Variants in HTATIP2 observed in about 807,000 individuals in gnomAD.
The protein encoded by HTATIP2 is HIV-1 Tat interactive protein 2, also known as protein HTATIP2.
Under a neutral mutation model 24.7 loss-of-function variants are expected in HTATIP2, and 26 were observed. The observed-to-expected ratio is 1.05, with a 90% CI of 0.77 to 1.46. The LOEUF is 1.46. Ranked by LOEUF, HTATIP2 falls within the 40% of genes most tolerant of loss-of-function variation. The pLI is 0.00. For missense variants in HTATIP2, 284 were observed against 289.6 expected (o/e 0.98, Z 0.14); for synonymous variants, 99 against 113.2 (o/e 0.87, Z 0.79).
intron 3 of HTATIP2, among the ~76,000 whole-genome samples, chr11:20,377,046 G>A (rs1052412888): frequency 5.3e-5 from 8 of 152,140 alleles, no homozygotes; most frequent in East Asian, 1.9e-4. Context: ...ATGACTGAGC[G>A]GAAAGAAGAG....
intron 2 of HTATIP2, among the ~76,000 whole-genome samples, chr11:20,375,448 A>G (rs1213699502): frequency 2.0e-5 from 3 of 152,110 alleles, no homozygotes; most frequent in Non-Finnish European, 4.4e-5. Context: ...ACATGTGTCT[A>G]TAATCCCAGC....
chr11:20,382,540 A>G (rs1848535811), intron 4 of HTATIP2, among the ~76,000 whole-genome samples: 1 of 152,236 alleles, frequency 6.6e-6, no homozygotes, highest in South Asian at 2.1e-4. Flanking sequence ...CCATAACAGA[A>G]TACCACACAG....
chr11:20,371,384 CA>C (rs1260767377), intron 2 of HTATIP2, among the ~76,000 whole-genome samples: 7 of 152,272 alleles, frequency 4.6e-5, no homozygotes, highest in African/African-American at 1.7e-4. Context: ...CCAGTGAACC[CA>C]CCTTCCTACT....
chr11:20,370,561 G>A (rs184696975), intron 2 of HTATIP2, among the ~76,000 whole-genome samples: 1 of 152,192 alleles, frequency 6.6e-6, no homozygotes, highest in Non-Finnish European at 1.5e-5. Context: ...TATGGCTTCT[G>A]ATTCTAATGA....
At chr11:20,367,068 A>C in intron 1 of HTATIP2, 106 bp from the exon 2 acceptor site, 13 of 1,289,820 alleles carry the variant, frequency 1.0e-5, no homozygotes, top group South Asian at 2.9e-5. Context: ...TGTTAAGTGG[A>C]CAGGCCTGTC....
Position 20,363,749 on chromosome 11 carries a change from G to T in HTATIP2, c.-489G>T. On this transcript the variant is annotated 5_prime_UTR_variant, in exon 1 of 5. Transcript: ENST00000451739. ...CGAGGCCACCCGGAAGACCAAGCCG[G>T]GTAGGCGCTGTCTCCGTCGCCTCCA... 2 of 1,235,480 alleles carry T rather than the reference G, an allele frequency of 1.6e-6. No homozygotes were observed. The highest frequency in any genetic ancestry group is 2.0e-6 in the Non-Finnish European group (2 of 986,656). The allele number at this position is 1,235,480 out of a possible 1,614,324, so 76.5% of individuals were successfully genotyped here. A position where few individuals can be genotyped will look rare whatever the true frequency, so the allele number is the denominator to read the frequency against.
At chr11:20,380,671 CAA>C (rs35392320) in intron 3 of HTATIP2, among the ~76,000 whole-genome samples, 247 of 81,852 alleles carry the variant, frequency 3.0e-3, no homozygotes, top group African/African-American at 0.01. Flanking sequence ...GACTCCATCT[CAA>C]AAAAAAAAAA....
intron 1 of HTATIP2, among the ~76,000 whole-genome samples, chr11:20,364,818 T>G (rs972707850): frequency 1.3e-5 from 2 of 152,196 alleles, no homozygotes; most frequent in East Asian, 3.8e-4. Context: ...TTTGTCAACC[T>G]GCGCACTTCA....
chr11:20,378,725 A>G (rs1407570136), intron 3 of HTATIP2, among the ~76,000 whole-genome samples: 2 of 152,184 alleles, frequency 1.3e-5, no homozygotes, highest in Non-Finnish European at 2.9e-5. Flanking sequence ...GCGTGGAAAC[A>G]GGTACTGTGA....
intron 1 of HTATIP2, among the ~76,000 whole-genome samples, chr11:20,365,745 G>A (rs1303542111): frequency 6.6e-6 from 1 of 151,964 alleles, no homozygotes; most frequent in African/African-American, 2.4e-5. Flanking sequence ...TCCGAGGCAG[G>A]GGATCTCTTG....
chr11:20,367,028 G>A, intron 1 of HTATIP2, 146 bp from the exon 2 acceptor site: 1 of 871,408 alleles, frequency 1.1e-6, no homozygotes, highest in Non-Finnish European at 1.7e-6. Context: ...ATTGCTTTTT[G>A]GTTGGAGAAA....
intron 2 of HTATIP2, among the ~76,000 whole-genome samples, chr11:20,369,933 C>T (rs537900657): frequency 6.6e-6 from 1 of 152,306 alleles, no homozygotes; most frequent in South Asian, 2.1e-4. Flanking sequence ...GTTTGGAAGA[C>T]TATTTCCTTT....
rs762671810 is a variant in HTATIP2, at chr11:20,382,981, G to A, written c.505G>A (p.Val169Ile). The change falls in exon 5 of 5, where the codon GTT (valine) becomes ATT (isoleucine). Residue 169 changes from valine to isoleucine, a missense_variant and splice_region_variant. Physicochemically the swap from Val to Ile is conservative, Grantham distance 29. Coordinates refer to ENST00000451739, the MANE Select transcript of HTATIP2 (RefSeq NM_001098522.2). The part of the protein sequence containing the change: ...FDRYSVFRPG[V>I]LLCDRQESRP... ...CTTTTTTTTTTTTTTTTATTTTAGA[G>A]TTCTGTTATGTGATAGGCAAGAATC... 7 of 1,592,462 alleles carry A rather than the reference G, an allele frequency of 4.4e-6. No individual in the cohort carries two copies. The African/African-American group carries it at 6.9e-5, about 16-fold the overall frequency.
At chr11:20,364,760 A>G (rs576238338) in intron 1 of HTATIP2, among the ~76,000 whole-genome samples, 32 of 152,308 alleles carry the variant, frequency 2.1e-4, no homozygotes, top group Non-Finnish European at 4.0e-4. Context: ...GCTGTATTCT[A>G]GAGGCAGCCC....
At chr11:20,369,058 G>A (rs908680561) in intron 2 of HTATIP2, among the ~76,000 whole-genome samples, 1 of 151,998 alleles carries the variant, frequency 6.6e-6, no homozygotes, top group Non-Finnish European at 1.5e-5. Context: ...TGTTTTGTTT[G>A]TTTTGGGGGC....
intron 1 of HTATIP2, among the ~76,000 whole-genome samples, chr11:20,365,724 A>T (rs10766660): frequency 2.0e-5 from 3 of 151,978 alleles, no homozygotes; most frequent in African/African-American, 4.8e-5. Flanking sequence ...GTAATCCCAG[A>T]GCTTTGGGAG....
intron 1 of HTATIP2, among the ~76,000 whole-genome samples, chr11:20,366,864 T>C (rs1172210104): frequency 6.6e-6 from 1 of 152,186 alleles, no homozygotes; most frequent in East Asian, 1.9e-4. Context: ...ACATCATACC[T>C]CAGTGGTCTC....
rs79428826 is a variant in HTATIP2 at position 20,367,494 on chromosome 11, T to G, written c.303+213T>G. The G allele has an allele frequency of 1.8e-4, 258 of 1,448,156 alleles. 1 individual carries two copies. In the East Asian group the frequency reaches 3.9e-3, roughly 22 times the overall value. The allele number at this position is 1,448,156 out of a possible 1,614,324, so 89.7% of individuals were successfully genotyped here. A position where few individuals can be genotyped will look rare whatever the true frequency, so the allele number is the denominator to read the frequency against. On this transcript the variant is annotated intron_variant, in intron 2 of 4. Transcript: ENST00000451739. Reference sequence around the variant, plus strand: ...AGTAATCCTTGAGTTCAGGCCCCAGTGCTGGAGACGTCGTAAATATTTACA... The same window carrying G: ...AGTAATCCTTGAGTTCAGGCCCCAGGGCTGGAGACGTCGTAAATATTTACA...
At position 20,364,278 on chromosome 11, in the gene HTATIP2, T is replaced by C; in HGVS notation, c.41T>C (p.Phe14Ser). The C allele has an allele frequency of 6.2e-7, 1 of 1,612,732 alleles. No individual in the cohort carries two copies. The highest frequency in any genetic ancestry group is 8.5e-7 in the Non-Finnish European group (1 of 1,178,950). Reference sequence around the variant, plus strand: ...GCCCTGTCGAAGCTTCGGGAAGACTTCAGGATGCAGAATAAATCCGTCTTT... The same window carrying C: ...GCCCTGTCGAAGCTTCGGGAAGACTCCAGGATGCAGAATAAATCCGTCTTT... The part of the protein sequence containing the change: ...TEALSKLRED[F>S]RMQNKSVFIL... The change falls in exon 1 of 5, where the codon TTC becomes TCC. Residue 14 changes from phenylalanine (F) to serine (S), a missense_variant. Physicochemically the swap from Phe to Ser is radical, Grantham distance 155 (BLOSUM62 -2). Transcript: ENST00000451739.
Sources: gnomAD v4.1 joint callset for allele counts (sites outside exome capture counted in the v4.1 genomes callset) on GRCh38, gnomAD v4.1.1 for gene constraint, MANE v1.5 for transcripts, NCBI Gene and HGNC (gene_info 2026-07-23, HGNC 2026-07-21) for gene names.